Variants in DNAJC5 observed in about 807,000 individuals in gnomAD.
DNAJC5 encodes the protein dnaJ homolog subfamily C member 5.
In DNAJC5, 1 loss-of-function variant was observed where a neutral mutation model predicts 23.2. That is an observed-to-expected ratio of 0.04 (90% CI 0.02 to 0.20). The LOEUF (loss-of-function observed/expected upper bound fraction) is 0.20. DNAJC5 is among the 10% of genes least tolerant of loss of function. The pLI is 1.00. For missense variants in DNAJC5, 180 were observed against 267.0 expected (o/e 0.67, Z 2.27); for synonymous variants, 136 against 120.0 (o/e 1.13, Z -0.87).
chr20:63,895,887 C>T (rs559068113), intron 1 of DNAJC5, among the ~76,000 whole-genome samples: 91 of 152,316 alleles, frequency 6.0e-4, no homozygotes, highest in Non-Finnish European at 1.1e-3. Flanking sequence ...ACATTTGAAG[C>T]CATGCTTTAT....
At chr20:63,913,374 C>T (rs2053495729) in intron 1 of DNAJC5, among the ~76,000 whole-genome samples, 1 of 151,824 alleles carries the variant, frequency 6.6e-6, no homozygotes, top group South Asian at 2.1e-4. Flanking sequence ...GTCCAGGGTT[C>T]CTAACAGCCT....
intron 1 of DNAJC5, among the ~76,000 whole-genome samples, chr20:63,917,388 G>A (rs2053521920): frequency 6.6e-6 from 1 of 151,962 alleles, no homozygotes; most frequent in Non-Finnish European, 1.5e-5. Flanking sequence ...TCGAGTAACT[G>A]GGACTGCAGG....
At chr20:63,927,463 C>T (rs947963143) in intron 1 of DNAJC5, among the ~76,000 whole-genome samples, 5 of 152,124 alleles carry the variant, frequency 3.3e-5, no homozygotes, top group East Asian at 1.9e-4. Flanking sequence ...TTGCTTGAAC[C>T]GGGGAGGCGG....
intron 1 of DNAJC5, among the ~76,000 whole-genome samples, chr20:63,900,160 A>T (rs1179863523): frequency 6.6e-6 from 1 of 151,854 alleles, no homozygotes; most frequent in Non-Finnish European, 1.5e-5. Context: ...AAGTGCTGGG[A>T]TTATAGGCGT....
At chr20:63,930,805 C>G in intron 3 of DNAJC5, 46 bp from the exon 4 acceptor site, 1 of 1,610,152 alleles carries the variant, frequency 6.2e-7, no homozygotes, top group Non-Finnish European at 8.5e-7. Flanking sequence ...GCCTCCCTCT[C>G]CAGGGGCCTC....
chr20:63,896,837 T>C (rs2053378751), intron 1 of DNAJC5, among the ~76,000 whole-genome samples: 1 of 152,194 alleles, frequency 6.6e-6, no homozygotes, highest in African/African-American at 2.4e-5. Flanking sequence ...TAAATATTTG[T>C]TCAGTGAATG....
At chr20:63,921,205 C>T (rs1264094958) in intron 1 of DNAJC5, among the ~76,000 whole-genome samples, 1 of 152,112 alleles carries the variant, frequency 6.6e-6, no homozygotes, top group African/African-American at 2.4e-5. Context: ...GTGATCCGCC[C>T]TCCTCAGCCT....
chr20:63,912,152 A>C (rs2053486361), intron 1 of DNAJC5, among the ~76,000 whole-genome samples: 1 of 152,060 alleles, frequency 6.6e-6, no homozygotes, highest in Non-Finnish European at 1.5e-5. Context: ...ACAATACAAA[A>C]ATTATCTGGG....
In DNAJC5 at chr20:63,928,252, T is replaced by A. The variant is rs1010124219; in HGVS notation, c.-11-83T>A. The A allele has an allele frequency of 6.2e-6, 7 of 1,131,964 alleles. No individual in the cohort carries two copies. In the Admixed American group the frequency reaches 9.1e-5, roughly 15 times the overall value. 70.1% of individuals were successfully genotyped at this position (1,131,964 alleles called of 1,614,324 possible). A position where few individuals can be genotyped will look rare whatever the true frequency, so the allele number is the denominator to read the frequency against. On this transcript the variant is annotated intron_variant, in intron 1 of 4. Coordinates refer to ENST00000360864, the MANE Select transcript of DNAJC5 (RefSeq NM_025219.3). The surrounding 1 kb of genome is among the most constrained non-coding windows in gnomAD (Gnocchi z 4.6). ...TGTTGGATTCTTTTGCTTTGAACGG[T>A]CTTATGGAATAAAGTCCATCAGCTC...
intron 1 of DNAJC5, among the ~76,000 whole-genome samples, chr20:63,909,322 C>T (rs987112458): frequency 6.6e-6 from 1 of 151,604 alleles, no homozygotes; most frequent in East Asian, 1.9e-4. Flanking sequence ...CACAGTGAAA[C>T]CCCGTCTCTA....
intron 1 of DNAJC5, among the ~76,000 whole-genome samples, chr20:63,897,617 T>C (rs1415807451): frequency 2.0e-5 from 3 of 152,128 alleles, no homozygotes; most frequent in African/African-American, 4.8e-5. Flanking sequence ...GTAATAATGC[T>C]TTTAGAAATT....
At chr20:63,908,173 C>T (rs2053459424) in intron 1 of DNAJC5, among the ~76,000 whole-genome samples, 1 of 152,210 alleles carries the variant, frequency 6.6e-6, no homozygotes, top group Non-Finnish European at 1.5e-5. Context: ...GTCATAGTTG[C>T]AGAGGCACTC....
chr20:63,927,872 C>T (rs1022651148), intron 1 of DNAJC5, among the ~76,000 whole-genome samples: 6 of 152,050 alleles, frequency 3.9e-5, no homozygotes, highest in Non-Finnish European at 5.9e-5. Context: ...TAGCTTATAC[C>T]TCTTTGCATT....
chr20:63,925,989 G>A (rs1264631858), intron 1 of DNAJC5, among the ~76,000 whole-genome samples: 6 of 151,850 alleles, frequency 4.0e-5, no homozygotes, highest in Non-Finnish European at 5.9e-5. Flanking sequence ...CACCACTTCC[G>A]GCTAATTTTT....
rs1340967229 is a variant in DNAJC5, at chr20:63,933,909, G to C, written c.*2341G>C. ...GGTGGCTTTTCAGTTACAGAGTCCA[G>C]TGGACCATTTTGTAGAACCATGCAG... On this transcript the variant is annotated 3_prime_UTR_variant, in exon 5 of 5. Transcript: ENST00000360864. 1 of 152,502 alleles carries C rather than the reference G, an allele frequency of 6.6e-6. No homozygotes were observed. Among genetic ancestry groups the C allele is most frequent in the Non-Finnish European group, 1.5e-5 (1 of 68,150 alleles). 9.4% of individuals were successfully genotyped at this position (152,502 alleles called of 1,614,324 possible). A position where few individuals can be genotyped will look rare whatever the true frequency, so the allele number is the denominator to read the frequency against.
At chr20:63,904,717 C>T (rs1297309297) in intron 1 of DNAJC5, among the ~76,000 whole-genome samples, 1 of 152,200 alleles carries the variant, frequency 6.6e-6, no homozygotes, top group Non-Finnish European at 1.5e-5. Flanking sequence ...CAGCTGCCTC[C>T]CAGTAAAGCC....
rs891193735 is a variant in DNAJC5 at position 63,903,500 on chromosome 20, G to C, written c.-12+8177G>C. On this transcript the variant is annotated intron_variant, in intron 1 of 4. Coordinates refer to ENST00000360864, the MANE Select transcript of DNAJC5 (RefSeq NM_025219.3). ...TTTTTGTATTTTTTAGTAGAGACGG[G>C]GTTTCACCATGTTGGCCAGGATGAT... 9.2e-5 allele frequency among the ~76,000 whole-genome samples: 14 copies of C among 152,106 alleles called. No individual in the cohort carries two copies. The South Asian group carries it at 2.9e-3, about 32-fold the overall frequency.
intron 1 of DNAJC5, among the ~76,000 whole-genome samples, chr20:63,916,182 A>G (rs908262390): frequency 1.4e-4 from 21 of 152,330 alleles, no homozygotes; most frequent in African/African-American, 4.3e-4. Flanking sequence ...TCCTGGCCTC[A>G]AGCAATCTGC....
intron 1 of DNAJC5, among the ~76,000 whole-genome samples, chr20:63,896,354 G>C (rs2146266095): frequency 6.6e-6 from 1 of 152,324 alleles, no homozygotes; most frequent in Non-Finnish European, 1.5e-5. Flanking sequence ...AGTTTCGGTT[G>C]AGTTCCCCTT....
Sources: gnomAD v4.1 joint callset for allele counts (sites outside exome capture counted in the v4.1 genomes callset) on GRCh38, gnomAD v4.1.1 for gene constraint, Gnocchi (gnomAD v3.1) non-coding constraint, MANE v1.5 for transcripts, NCBI Gene and HGNC (gene_info 2026-07-23, HGNC 2026-07-21) for gene names.